The following MED12L variants were observed in gnomAD, a reference collection of about 807,000 sequenced individuals.
MED12L encodes mediator complex subunit 12L, also known as mediator of RNA polymerase II transcription subunit 12-like protein.
In MED12L, 60 loss-of-function variants were observed where a neutral mutation model predicts 281.3. The ratio of observed to expected loss-of-function variants is 0.21; its 90% CI spans 0.17 to 0.26. MED12L has a LOEUF of 0.26. MED12L is among the 10% of genes least tolerant of loss of function. The pLI is 1.00. For synonymous variants in MED12L, 974 were observed against 987.2 expected (o/e 0.99, Z 0.25); for missense variants, 2,146 against 2,680.9 (o/e 0.80, Z 4.41).
intron 16 of MED12L, among the ~76,000 whole-genome samples, chr3:151,195,838 CTG>C (rs1207564374): frequency 7.9e-5 from 12 of 152,194 alleles, no homozygotes; most frequent in African/African-American, 2.7e-4. Flanking sequence ...ATGGAACTCT[CTG>C]TACTATTTTG....
intron 16 of MED12L, among the ~76,000 whole-genome samples, chr3:151,321,042 CT>C (rs1198302428): frequency 6.6e-6 from 1 of 152,128 alleles, no homozygotes; most frequent in Admixed American, 6.5e-5. Flanking sequence ...AGCACTTTGT[CT>C]TTTGTCAGAA....
At chr3:151,176,311 A>G (rs1454109325) in intron 11 of MED12L, among the ~76,000 whole-genome samples, 4 of 152,198 alleles carry the variant, frequency 2.6e-5, no homozygotes, top group African/African-American at 9.7e-5. Context: ...AGCAGTAATC[A>G]CTGTTAATTT....
intron 39 of MED12L, among the ~76,000 whole-genome samples, chr3:151,397,688 G>A (rs936203095): frequency 3.3e-5 from 5 of 152,122 alleles, no homozygotes; most frequent in Non-Finnish European, 7.4e-5. Context: ...TGACCATTTC[G>A]TGCTATGGCA....
chr3:151,231,481 T>TGTACA (rs1416163026), intron 16 of MED12L, among the ~76,000 whole-genome samples: 1 of 152,210 alleles, frequency 6.6e-6, no homozygotes, highest in Non-Finnish European at 1.5e-5. Flanking sequence ...TTTAGTTAGA[T>TGTACA]GTACACAACA....
At chr3:151,110,184 G>A (rs1711650861) in intron 2 of MED12L, among the ~76,000 whole-genome samples, 1 of 152,188 alleles carries the variant, frequency 6.6e-6, no homozygotes, top group African/African-American at 2.4e-5. Context: ...GAGGCATGCT[G>A]TTCCAAAATT....
intron 16 of MED12L, among the ~76,000 whole-genome samples, chr3:151,217,019 A>G (rs1728369729): frequency 6.6e-6 from 1 of 152,196 alleles, no homozygotes; most frequent in South Asian, 2.1e-4. Context: ...TACTCATGGT[A>G]GGTACTGAGT....
intron 38 of MED12L, among the ~76,000 whole-genome samples, chr3:151,394,244 T>C (rs1714667608): frequency 6.6e-6 from 1 of 152,200 alleles, no homozygotes; most frequent in African/African-American, 2.4e-5. Flanking sequence ...AGCTTCAGAT[T>C]TGATGAAAAG....
chr3:151,242,132 G>C (rs1243261169), intron 16 of MED12L, among the ~76,000 whole-genome samples: 1 of 152,184 alleles, frequency 6.6e-6, no homozygotes, highest in Non-Finnish European at 1.5e-5. Context: ...TACGCCCATG[G>C]AGTCTCGCTG....
intron 16 of MED12L, among the ~76,000 whole-genome samples, chr3:151,236,780 C>T (rs1247481488): frequency 1.3e-5 from 2 of 152,082 alleles, no homozygotes; most frequent in African/African-American, 4.8e-5. Flanking sequence ...TCATATATAT[C>T]GTACACATCC....
At chr3:151,115,687 G>A (rs886818094) in intron 2 of MED12L, among the ~76,000 whole-genome samples, 12 of 151,704 alleles carry the variant, frequency 7.9e-5, no homozygotes, top group African/African-American at 2.4e-4. Context: ...TTTATATTTC[G>A]GTGAGATTTT....
At chr3:151,386,323 A>G (rs890254986) in intron 36 of MED12L, among the ~76,000 whole-genome samples, 2 of 152,224 alleles carry the variant, frequency 1.3e-5, no homozygotes, top group African/African-American at 4.8e-5. Flanking sequence ...TCTCATCTCA[A>G]GACAAATATT....
chr3:151,158,990 A>T (rs746480418), intron 7 of MED12L, among the ~76,000 whole-genome samples, 191 bp downstream of exon 7: 2 of 152,256 alleles, frequency 1.3e-5, no homozygotes, highest in Non-Finnish European at 2.9e-5. Context: ...TGTGTTAACC[A>T]TGTTGGTAGT....
intron 16 of MED12L, among the ~76,000 whole-genome samples, chr3:151,306,245 T>C (rs144921700): frequency 1.0e-3 from 157 of 152,330 alleles, no homozygotes; most frequent in African/African-American, 3.4e-3. Flanking sequence ...CTTAACCATT[T>C]CTTTTCAAAT....
At chr3:151,422,822 T>TC in intron 43 of MED12L, among the ~76,000 whole-genome samples, 1 of 145,642 alleles carries the variant, frequency 6.9e-6, no homozygotes, top group Non-Finnish European at 1.5e-5. Flanking sequence ...TTCATTGCTT[T>TC]TTTTTTTTTT....
chr3:151,089,651 C>T (rs1049082693), intron 2 of MED12L, among the ~76,000 whole-genome samples: 1 of 129,258 alleles, frequency 7.7e-6, no homozygotes, highest in African/African-American at 3.1e-5. Context: ...AACCCATGAA[C>T]GAAGACCCAT....
At chr3:151,183,889 G>A (rs1402777612) in intron 11 of MED12L, among the ~76,000 whole-genome samples, 1 of 152,224 alleles carries the variant, frequency 6.6e-6, no homozygotes, top group Non-Finnish European at 1.5e-5. Flanking sequence ...ACTGAAAGCA[G>A]TATTTTTAGG....
intron 16 of MED12L, among the ~76,000 whole-genome samples, chr3:151,288,335 A>G (rs370906782): frequency 2.0e-5 from 3 of 152,172 alleles, no homozygotes; most frequent in Admixed American, 6.5e-5. Context: ...ATTTAAGTCT[A>G]TTTTACATAT....
intron 12 of MED12L, among the ~76,000 whole-genome samples, chr3:151,185,668 G>T (rs1723172148): frequency 6.6e-6 from 1 of 151,986 alleles, no homozygotes; most frequent in African/African-American, 2.4e-5. Context: ...TTTAAAAATG[G>T]TATCTTTTAA....
rs1172611705 is a variant in MED12L at position 151,281,732 on chromosome 3, C to T, written c.2251-68327C>T. Among the ~76,000 whole-genome samples, 10 of 152,268 alleles carry T rather than the reference C, an allele frequency of 6.6e-5. No homozygotes were observed. The East Asian group carries it at 1.7e-3, about 26-fold the overall frequency. ...TTTTCTCAGAGCCCTCAACATAACC[C>T]TGATATGACAACCACCCCTAGCCCA... On this transcript the variant is annotated intron_variant, in intron 16 of 44. Coordinates refer to ENST00000687756, the MANE Select transcript of MED12L (RefSeq NM_001393769.1).
Sources: allele counts gnomAD v4.1 joint callset (sites outside exome capture counted in the v4.1 genomes callset), GRCh38; gene constraint gnomAD v4.1.1; transcripts MANE v1.5; gene names NCBI Gene and HGNC (gene_info 2026-07-23, HGNC 2026-07-21).